The following RPS19 variants were observed in gnomAD, a reference collection of about 807,000 sequenced individuals.
RPS19 encodes the protein small ribosomal subunit protein eS19.
A neutral mutation model predicts 20.3 loss-of-function variants in RPS19; 1 was observed. The ratio of observed to expected loss-of-function variants is 0.05; its 90% CI spans 0.02 to 0.23. The LOEUF (loss-of-function observed/expected upper bound fraction) is 0.23. Ranked by LOEUF, RPS19 falls within the 10% of genes least tolerant of loss-of-function variation. The probability of loss-of-function intolerance (pLI) is 1.00; values close to 1 mark genes in which losing one functional copy is unlikely to be tolerated. For synonymous variants in RPS19, 87 were observed against 74.8 expected, an observed-to-expected ratio of 1.16 and a Z score of -0.84; for missense variants, 111 against 192.7, an observed-to-expected ratio of 0.58 and a Z score of 2.51.
At chr19:41,861,039 G>A (rs2074025188) in intron 2 of RPS19, 73 bp from the exon 3 acceptor site, 3 of 1,217,866 alleles carry the variant, frequency 2.5e-6, no homozygotes, top group South Asian at 1.2e-5. Context: ...TTGTGTTGAG[G>A]GGAGGGCATT....
At chr19:41,867,732 G>A (rs1321363193) in intron 3 of RPS19, among the ~76,000 whole-genome samples, 1 of 152,088 alleles carries the variant, frequency 6.6e-6, no homozygotes, top group African/African-American at 2.4e-5. Flanking sequence ...TTAAGCCCAG[G>A]AGTTCGAGGC....
intron 5 of RPS19, among the ~76,000 whole-genome samples, chr19:41,871,131 G>C (rs1460984093): frequency 6.6e-6 from 1 of 152,018 alleles, no homozygotes; most frequent in Non-Finnish European, 1.5e-5. Context: ...CCAGAGTGCT[G>C]GGATTAAAGG....
chr19:41,867,924 G>A (rs2074106703), intron 3 of RPS19, among the ~76,000 whole-genome samples: 1 of 152,206 alleles, frequency 6.6e-6, no homozygotes, highest in Non-Finnish European at 1.5e-5. Flanking sequence ...CTGTGGATAT[G>A]AAGGGCTGGC....
Position 41,871,472 on chromosome 19 carries a change from A to G in RPS19, c.*95A>G. 9.2e-7 allele frequency: 1 copy of G among 1,089,744 alleles called. No individual in the cohort carries two copies. Among genetic ancestry groups the G allele is most frequent in the Non-Finnish European group, 1.4e-6 (1 of 709,808 alleles). 67.5% of individuals were successfully genotyped at this position (1,089,744 alleles called of 1,614,324 possible). ...TGCTCTGTCGCCCAGGCTGGAGTGC[A>G]GTGGCGCCATCTCAGCTCACTGCAA... On this transcript the variant is annotated 3_prime_UTR_variant, in exon 6 of 6. Coordinates refer to ENST00000598742, the MANE Select transcript of RPS19 (RefSeq NM_001022.4).
Position 41,871,362 on chromosome 19 carries a change from C to T in RPS19, c.423C>T (p.Ala141=). 1 of 1,613,962 alleles carries T rather than the reference C, an allele frequency of 6.2e-7. No homozygotes were observed. The highest frequency in any genetic ancestry group is 8.5e-7 in the Non-Finnish European group (1 of 1,179,900). ...LDRIAGQVAA[A]NKKH ...ATCTTTTCCCACAGGTGGCAGCTGC[C>T]AACAAGAAGCATTAGAACAAACCAT... Residue 141 remains alanine (A), a synonymous_variant, in exon 6 of 6, where the codon GCC becomes GCT. Coordinates refer to ENST00000598742, the MANE Select transcript of RPS19 (RefSeq NM_001022.4).
Position 41,860,861 on chromosome 19 carries a change from G to C in RPS19, c.71+16G>C, listed in dbSNP as rs1555839086. 1 of 1,609,250 alleles carries C rather than the reference G, an allele frequency of 6.2e-7. No individual in the cohort carries two copies. The highest frequency in any genetic ancestry group is 8.5e-7 in the Non-Finnish European group (1 of 1,176,266). Reference sequence around the variant, plus strand: ...TCCTCAAAAAGTGAGTTTGGGGACTGAGGTTCAAAACGGGTGGAGGCTGTC... The same window carrying C: ...TCCTCAAAAAGTGAGTTTGGGGACTCAGGTTCAAAACGGGTGGAGGCTGTC... On this transcript the variant is annotated intron_variant, in intron 2 of 5. Coordinates refer to ENST00000598742, the MANE Select transcript of RPS19 (RefSeq NM_001022.4).
chr19:41,860,505 C>T (rs1380609971), intron 1 of RPS19: 1 of 507,702 alleles, frequency 2.0e-6, no homozygotes, highest in South Asian at 2.1e-5. Context: ...GTGCGTGGGG[C>T]GTCCGGAGTC....
At chr19:41,862,268 G>C (rs1448642896) in intron 3 of RPS19, among the ~76,000 whole-genome samples, 1 of 152,066 alleles carries the variant, frequency 6.6e-6, no homozygotes, top group East Asian at 1.9e-4. Context: ...ATGTCTATTG[G>C]GGCCCACTCT....
At chr19:41,862,887 G>A (rs2074046836) in intron 3 of RPS19, among the ~76,000 whole-genome samples, 1 of 152,158 alleles carries the variant, frequency 6.6e-6, no homozygotes, top group African/African-American at 2.4e-5. Context: ...TAGGATGGTT[G>A]TGTGGTAGAC....
chr19:41,868,669 G>A (rs544102970), intron 3 of RPS19, among the ~76,000 whole-genome samples: 9 of 152,232 alleles, frequency 5.9e-5, no homozygotes, highest in South Asian at 4.1e-4. Flanking sequence ...GAGGTGGCCC[G>A]GAGAGTGGCA....
intron 3 of RPS19, chr19:41,864,147 G>C (rs2074061187): frequency 6.6e-6 from 1 of 152,184 alleles, no homozygotes; most frequent in South Asian, 2.1e-4. Context: ...AGCTGGACAA[G>C]CCTCTTGCTG....
chr19:41,862,367 T>C (rs1340933382), intron 3 of RPS19, among the ~76,000 whole-genome samples: 1 of 152,114 alleles, frequency 6.6e-6, no homozygotes, highest in Non-Finnish European at 1.5e-5. Flanking sequence ...GTGGGTCGGG[T>C]TGCTGGCATA....
intron 1 of RPS19, 146 bp downstream of exon 1, chr19:41,860,435 G>A (rs1337706858): frequency 2.5e-5 from 8 of 318,556 alleles, no homozygotes; most frequent in South Asian, 9.3e-5. Flanking sequence ...CGGCAGGCCC[G>A]GACATGCCCG....
chr19:41,862,083 A>G (rs2074038150), intron 3 of RPS19, among the ~76,000 whole-genome samples: 1 of 152,146 alleles, frequency 6.6e-6, no homozygotes, highest in South Asian at 2.1e-4. Context: ...CTCTCTGTGA[A>G]GTGGGGACTC....
intron 3 of RPS19, 92 bp from the exon 4 acceptor site, chr19:41,868,938 TA>T: frequency 2.3e-6 from 3 of 1,315,856 alleles, no homozygotes; most frequent in Non-Finnish European, 3.3e-6. Context: ...TCCCTTCTTA[TA>T]AAACAGTGAG....
At chr19:41,862,561 TCTC>T (rs2074043078) in intron 3 of RPS19, among the ~76,000 whole-genome samples, 1 of 152,118 alleles carries the variant, frequency 6.6e-6, no homozygotes, top group African/African-American at 2.4e-5. Flanking sequence ...GATTAGCCTT[TCTC>T]ATTTGCTGGG....
At position 41,869,760 on chromosome 19, in the gene RPS19, C is replaced by T. The variant is rs1165535295; in HGVS notation, c.411+7C>T. On this transcript the variant is annotated splice_region_variant and intron_variant, in intron 5 of 5. Coordinates refer to ENST00000598742, the MANE Select transcript of RPS19 (RefSeq NM_001022.4). Reference sequence around the variant, plus strand: ...GGACAGAATCGCCGGACAGGTAAGGCCTGCGTTTGGGGTGGGGCTGGGTCC... The same window carrying T: ...GGACAGAATCGCCGGACAGGTAAGGTCTGCGTTTGGGGTGGGGCTGGGTCC... 3.7e-6 allele frequency: 6 copies of T among 1,613,952 alleles called. No individual in the cohort carries two copies. In the African/African-American group the frequency reaches 5.3e-5, roughly 14 times the overall value.
rs2074149048 is a variant in RPS19 at position 41,871,473 on chromosome 19, G to A, written c.*96G>A. The A allele has an allele frequency of 4.6e-6, 5 of 1,082,946 alleles. No individual in the cohort carries two copies. In the African/African-American group the frequency reaches 7.8e-5, roughly 17 times the overall value. 67.1% of individuals were successfully genotyped at this position (1,082,946 alleles called of 1,614,324 possible). On this transcript the variant is annotated 3_prime_UTR_variant, in exon 6 of 6. Coordinates refer to ENST00000598742, the MANE Select transcript of RPS19 (RefSeq NM_001022.4). ...GCTCTGTCGCCCAGGCTGGAGTGCA[G>A]TGGCGCCATCTCAGCTCACTGCAAT...
chr19:41,864,262 CT>C (rs1349429631), intron 3 of RPS19: 1 of 152,304 alleles, frequency 6.6e-6, no homozygotes, highest in African/African-American at 2.4e-5. Context: ...TCTGGAAACA[CT>C]TCTTGTAGGT....
Sources: allele counts gnomAD v4.1 joint callset (sites outside exome capture counted in the v4.1 genomes callset), GRCh38; gene constraint gnomAD v4.1.1; transcripts MANE v1.5; gene names NCBI Gene and HGNC (gene_info 2026-07-23, HGNC 2026-07-21).